The following CNTN5 variants were observed in gnomAD, a reference collection of about 807,000 sequenced individuals.
CNTN5 encodes contactin 5.
A neutral mutation model predicts 129.1 loss-of-function variants in CNTN5; 77 were observed. That is an observed-to-expected ratio of 0.60 (90% CI 0.50 to 0.72). The LOEUF (loss-of-function observed/expected upper bound fraction) is 0.72, where lower values mean the gene tolerates loss of function less well. CNTN5 is among the 30% of genes least tolerant of loss of function. The probability of loss-of-function intolerance (pLI) is 0.00; values close to 1 mark genes in which losing one functional copy is unlikely to be tolerated. For missense variants in CNTN5, 1,478 were observed against 1,328.8 expected (o/e 1.11, Z -1.75); for synonymous variants, 509 against 465.6 (o/e 1.09, Z -1.20).
In CNTN5 at chr11:99,216,227, C is replaced by T. The variant is rs564718606; in HGVS notation, c.-209-109119C>T. Among the ~76,000 whole-genome samples the T allele has an allele frequency of 1.7e-4, 26 of 152,250 alleles. 1 individual carries two copies. The South Asian group carries it at 4.8e-3, about 28-fold the overall frequency. ...TAAGTCCAGTATTTTTTAGTTCCCA[C>T]ATATAAGTGAGAACGTGTGATATTT... On this transcript the variant is annotated intron_variant, in intron 1 of 24. Transcript: ENST00000524871.
At chr11:99,710,248 G>GC (rs1444957562) in intron 3 of CNTN5, among the ~76,000 whole-genome samples, 42 of 151,640 alleles carry the variant, frequency 2.8e-4, no homozygotes, top group African/African-American at 1.0e-3. Context: ...TCTTTACCCT[G>GC]CGTCAAGAAT....
At chr11:99,484,209 A>AAAAAGTATG (rs1385060852) in intron 2 of CNTN5, among the ~76,000 whole-genome samples, 1 of 152,206 alleles carries the variant, frequency 6.6e-6, no homozygotes, top group Non-Finnish European at 1.5e-5. Flanking sequence ...AATACAATTT[A>AAAAAGTATG]AAAAGTATGA....
At chr11:99,427,849 T>C (rs1287991291) in intron 2 of CNTN5, among the ~76,000 whole-genome samples, 1 of 151,754 alleles carries the variant, frequency 6.6e-6, no homozygotes, top group African/African-American at 2.4e-5. Flanking sequence ...GAAATTTTGG[T>C]TTTTTAAACA....
chr11:99,237,406 G>T (rs955075651), intron 1 of CNTN5, among the ~76,000 whole-genome samples: 1 of 152,152 alleles, frequency 6.6e-6, no homozygotes, highest in Non-Finnish European at 1.5e-5. Context: ...TTATAGGCCA[G>T]GCATGGTGGC....
intron 6 of CNTN5, among the ~76,000 whole-genome samples, chr11:99,901,943 A>G (rs146010908): frequency 2.0e-3 from 309 of 152,298 alleles, no homozygotes; most frequent in Non-Finnish European, 3.2e-3. Flanking sequence ...ATTTTGAGGT[A>G]GGTATTGTTA....
chr11:100,090,197 T>C (rs999374837), intron 13 of CNTN5, among the ~76,000 whole-genome samples: 5 of 151,872 alleles, frequency 3.3e-5, no homozygotes, highest in Admixed American at 6.6e-5. Context: ...AAAGAACATA[T>C]CTCAAAACAA....
chr11:100,076,580 G>A (rs1021819987), intron 13 of CNTN5, among the ~76,000 whole-genome samples: 5 of 151,960 alleles, frequency 3.3e-5, no homozygotes, highest in African/African-American at 1.2e-4. Context: ...TAGTGAGAAA[G>A]ATACATTGAC....
chr11:99,263,494 A>T (rs528473155), intron 1 of CNTN5, among the ~76,000 whole-genome samples: 26 of 152,276 alleles, frequency 1.7e-4, no homozygotes, highest in African/African-American at 5.8e-4. Context: ...TTTTTCAAGG[A>T]AATTTATTCT....
chr11:99,710,567 ATGTGTGTGTGTG>A (rs71050018), intron 3 of CNTN5, among the ~76,000 whole-genome samples: 21 of 140,582 alleles, frequency 1.5e-4, no homozygotes, highest in South Asian at 4.6e-4. Context: ...GTGTGTGTGC[ATGTGTGTGTGTG>A]TGTGTGTGTG....
intron 3 of CNTN5, among the ~76,000 whole-genome samples, chr11:99,674,692 G>A (rs1045727508): frequency 2.6e-5 from 4 of 152,188 alleles, no homozygotes; most frequent in Admixed American, 1.3e-4. Context: ...GGATTGTCTC[G>A]AGGCTTTTCT....
At chr11:99,737,407 ATCT>A (rs1334823237) in intron 3 of CNTN5, among the ~76,000 whole-genome samples, 15 of 152,240 alleles carry the variant, frequency 9.9e-5, no homozygotes, top group Non-Finnish European at 1.9e-4. Context: ...GCAATACAAC[ATCT>A]TCTTTCTGAC....
intron 2 of CNTN5, among the ~76,000 whole-genome samples, chr11:99,510,952 A>G (rs950664854): frequency 1.1e-4 from 16 of 152,122 alleles, no homozygotes; most frequent in Non-Finnish European, 1.6e-4. Flanking sequence ...ATTACCACTA[A>G]AGACCTTTCA....
intron 17 of CNTN5, among the ~76,000 whole-genome samples, chr11:100,268,825 A>G (rs1005679381): frequency 6.6e-6 from 1 of 152,080 alleles, no homozygotes; most frequent in Admixed American, 6.5e-5. Flanking sequence ...AAAGGAGTCC[A>G]GGACGGCCCG....
chr11:99,360,326 C>G (rs951949110), intron 2 of CNTN5, among the ~76,000 whole-genome samples: 1 of 152,138 alleles, frequency 6.6e-6, no homozygotes, highest in Admixed American at 6.5e-5. Context: ...TCTGGGGTCT[C>G]AGGAGCAGTT....
chr11:99,596,105 G>A (rs891977633), intron 3 of CNTN5, among the ~76,000 whole-genome samples: 1 of 152,122 alleles, frequency 6.6e-6, no homozygotes, highest in African/African-American at 2.4e-5. Context: ...ACTTTCCAAG[G>A]CTCAGGCATC....
chr11:99,520,553 C>T (rs1256678015), intron 2 of CNTN5, among the ~76,000 whole-genome samples: 1 of 152,012 alleles, frequency 6.6e-6, no homozygotes, highest in Non-Finnish European at 1.5e-5. Context: ...CTTCCCAAAC[C>T]TTTCAGAGTA....
chr11:99,138,804 C>T lies in CNTN5; in HGVS notation c.-210+117534C>T, dbSNP rs1232175793. On this transcript the variant is annotated intron_variant, in intron 1 of 24. Coordinates refer to ENST00000524871, the MANE Select transcript of CNTN5 (RefSeq NM_014361.4). Reference sequence around the variant, plus strand: ...TATATATTTCATTAGTATGAAGATACTGAAATGTAAACAAATATGGGCCTC... The same window carrying T: ...TATATATTTCATTAGTATGAAGATATTGAAATGTAAACAAATATGGGCCTC... Among the ~76,000 whole-genome samples, 3 of 152,124 alleles carry T rather than the reference C, an allele frequency of 2.0e-5. No homozygotes were observed. The South Asian group carries it at 6.2e-4, about 31-fold the overall frequency.
intron 1 of CNTN5, among the ~76,000 whole-genome samples, chr11:99,292,505 T>C (rs1003820115): frequency 3.3e-5 from 5 of 152,134 alleles, no homozygotes; most frequent in Non-Finnish European, 2.9e-5. Flanking sequence ...TCCAGTACTA[T>C]GCTGAATAAA....
At chr11:99,139,087 T>C (rs1859381460) in intron 1 of CNTN5, among the ~76,000 whole-genome samples, 1 of 82,086 alleles carries the variant, frequency 1.2e-5, no homozygotes. Flanking sequence ...AAACTCCATC[T>C]CTACCCCCTC....
Sources: gnomAD v4.1 joint callset for allele counts (sites outside exome capture counted in the v4.1 genomes callset) on GRCh38, gnomAD v4.1.1 for gene constraint, MANE v1.5 for transcripts, NCBI Gene and HGNC (gene_info 2026-07-23, HGNC 2026-07-21) for gene names.